AUTS2: variants seen among roughly 807,000 people sequenced by gnomAD.
AUTS2 encodes activator of transcription and developmental regulator AUTS2.
A neutral mutation model predicts 112.4 loss-of-function variants in AUTS2; 17 were observed. The observed-to-expected ratio is 0.15, with a 90% confidence interval of 0.10 to 0.23. The LOEUF (loss-of-function observed/expected upper bound fraction) is 0.23, where lower values mean the gene tolerates loss of function less well. Among genes scored for constraint, AUTS2 ranks in the 10% least tolerant of loss-of-function variants. The pLI, the probability that AUTS2 is intolerant of heterozygous loss-of-function variation, is 1.00. For missense variants in AUTS2, 1,510 were observed against 1,701.6 expected, an observed-to-expected ratio of 0.89 and a Z score of 1.98; for synonymous variants, 751 against 702.7, an observed-to-expected ratio of 1.07 and a Z score of -1.09.
chr7:69,667,358 T>G (rs1184727946), intron 1 of AUTS2, among the ~76,000 whole-genome samples: 123 of 149,660 alleles, frequency 8.2e-4, no homozygotes, highest in Non-Finnish European at 1.2e-3. Flanking sequence ...GTGTTTTTTT[T>G]TTTTTTTTTT....
At chr7:70,767,037 A>ATAAT (rs777707112) in intron 9 of AUTS2, among the ~76,000 whole-genome samples, 2 of 152,218 alleles carry the variant, frequency 1.3e-5, no homozygotes, top group African/African-American at 2.4e-5. Flanking sequence ...GTTAATAACG[A>ATAAT]TAATTCATAG....
At chr7:70,725,271 A>G (rs536165467) in intron 6 of AUTS2, among the ~76,000 whole-genome samples, 1 of 152,184 alleles carries the variant, frequency 6.6e-6, no homozygotes, top group Non-Finnish European at 1.5e-5. Flanking sequence ...ACATAAGGGA[A>G]GGTCCATTGT....
At chr7:69,611,861 C>T (rs528900405) in intron 1 of AUTS2, among the ~76,000 whole-genome samples, 13 of 134,212 alleles carry the variant, frequency 9.7e-5, no homozygotes, top group African/African-American at 3.1e-4. Context: ...ACCCGGGAAG[C>T]GGAGCTTGCA....
intron 1 of AUTS2, among the ~76,000 whole-genome samples, chr7:69,692,544 T>C (rs925215103): frequency 6.6e-6 from 1 of 152,254 alleles, no homozygotes; most frequent in African/African-American, 2.4e-5. Context: ...TATTGTATCC[T>C]TATGTCTTTC....
intron 1 of AUTS2, among the ~76,000 whole-genome samples, chr7:69,649,927 T>C (rs1457086141): frequency 1.3e-5 from 2 of 152,152 alleles, no homozygotes; most frequent in Non-Finnish European, 1.5e-5. Flanking sequence ...AAATATACCA[T>C]GAAGTCATTT....
At chr7:69,986,979 C>T (rs1356305754) in intron 2 of AUTS2, among the ~76,000 whole-genome samples, 1 of 152,086 alleles carries the variant, frequency 6.6e-6, no homozygotes, top group Non-Finnish European at 1.5e-5. Context: ...GTGCATAATA[C>T]CTGGAGTTAA....
At chr7:70,587,158 C>T (rs1487131418) in intron 5 of AUTS2, among the ~76,000 whole-genome samples, 1 of 152,112 alleles carries the variant, frequency 6.6e-6, no homozygotes, top group African/African-American at 2.4e-5. Flanking sequence ...CTCACTGCAG[C>T]ATCAACCCCC....
chr7:70,286,690 G>T (rs890103047), intron 4 of AUTS2, among the ~76,000 whole-genome samples: 1 of 152,118 alleles, frequency 6.6e-6, no homozygotes, highest in Non-Finnish European at 1.5e-5. Flanking sequence ...ATATGCTACT[G>T]AATATAAGTG....
chr7:70,483,634 G>A (rs1797875620), intron 5 of AUTS2, among the ~76,000 whole-genome samples: 1 of 152,126 alleles, frequency 6.6e-6, no homozygotes. Context: ...CTAAGGCTAG[G>A]TGATTTTAAA....
intron 4 of AUTS2, among the ~76,000 whole-genome samples, chr7:70,168,481 A>G (rs775867241): frequency 5.9e-5 from 9 of 151,960 alleles, no homozygotes; most frequent in East Asian, 3.9e-4. Context: ...ACACCTGGCT[A>G]ATTTTTGTAT....
Position 70,430,026 on chromosome 7 carries a change from A to C in AUTS2, c.661-5726A>C, listed in dbSNP as rs981699966. ...AATAAGGACTTGGATTAGAAAAGGA[A>C]GAGAGCATAGACCTTGGAAAGCAGT... On this transcript the variant is annotated intron_variant, in intron 4 of 18. Transcript: ENST00000342771. Among the ~76,000 whole-genome samples, 5 of 152,324 alleles carry C rather than the reference A, an allele frequency of 3.3e-5. No homozygotes were observed. In the South Asian group the frequency reaches 1.0e-3, roughly 32 times the overall value.
chr7:70,465,566 A>G (rs1279723817), intron 5 of AUTS2, among the ~76,000 whole-genome samples: 1 of 152,168 alleles, frequency 6.6e-6, no homozygotes, highest in Non-Finnish European at 1.5e-5. Context: ...ATTGCCAATG[A>G]CAATGAGGGA....
intron 1 of AUTS2, among the ~76,000 whole-genome samples, chr7:69,693,712 A>C (rs1420728804): frequency 6.6e-6 from 1 of 152,228 alleles, no homozygotes; most frequent in African/African-American, 2.4e-5. Context: ...AAGAGAAGAC[A>C]AAATTTAGAG....
intron 4 of AUTS2, among the ~76,000 whole-genome samples, chr7:70,313,476 C>T (rs1432607211): frequency 6.6e-6 from 1 of 152,180 alleles, no homozygotes; most frequent in African/African-American, 2.4e-5. Context: ...TAAACATGCT[C>T]CCCATGACTA....
intron 4 of AUTS2, among the ~76,000 whole-genome samples, chr7:70,164,402 T>A (rs1258673504): frequency 6.6e-6 from 1 of 152,228 alleles, no homozygotes; most frequent in Non-Finnish European, 1.5e-5. Context: ...CTATGTTGTA[T>A]GTTTAGTCAT....
chr7:70,701,689 G>A (rs1809470552), intron 6 of AUTS2, among the ~76,000 whole-genome samples: 1 of 152,152 alleles, frequency 6.6e-6, no homozygotes, highest in South Asian at 2.1e-4. Flanking sequence ...TGAGGACTGA[G>A]CATTTCGAAA....
intron 6 of AUTS2, among the ~76,000 whole-genome samples, chr7:70,721,313 T>TGTGTGTGTGTGTGTGTGTG (rs1563151700): frequency 6.6e-6 from 1 of 151,140 alleles, no homozygotes; most frequent in African/African-American, 2.4e-5. Context: ...TGTGTGTGTG[T>TGTGTGTGTGTGTGTGTGTG]TTCCGATGGA....
At chr7:70,558,194 G>C (rs111731966) in intron 5 of AUTS2, among the ~76,000 whole-genome samples, 2 of 152,076 alleles carry the variant, frequency 1.3e-5, no homozygotes, top group Non-Finnish European at 2.9e-5. Flanking sequence ...TGCTGTTCCC[G>C]AAGCCCAGGC....
intron 2 of AUTS2, among the ~76,000 whole-genome samples, chr7:69,999,127 A>G (rs1454009098): frequency 2.0e-5 from 3 of 152,190 alleles, no homozygotes; most frequent in Non-Finnish European, 1.5e-5. Flanking sequence ...GGATTTGATT[A>G]TGTCATGGCA....
Sources: gnomAD v4.1 joint callset for allele counts (sites outside exome capture counted in the v4.1 genomes callset) on GRCh38, gnomAD v4.1.1 for gene constraint, MANE v1.5 for transcripts, NCBI Gene and HGNC (gene_info 2026-07-23, HGNC 2026-07-21) for gene names.